The following PLCH1 variants were observed in gnomAD, a reference collection of about 807,000 sequenced individuals.
PLCH1 encodes 1-phosphatidylinositol 4,5-bisphosphate phosphodiesterase eta-1.
A neutral mutation model predicts 126.7 loss-of-function variants in PLCH1; 60 were observed. That is an observed-to-expected ratio of 0.47 (90% confidence interval 0.38 to 0.59). PLCH1 has a LOEUF of 0.59. Among genes scored for constraint, PLCH1 ranks in the 20% least tolerant of loss-of-function variants. PLCH1 has a pLI of 0.00. For synonymous variants in PLCH1, 719 were observed against 734.9 expected, an observed-to-expected ratio of 0.98 and a Z score of 0.35; for missense variants, 1,723 against 2,040.0, an observed-to-expected ratio of 0.84 and a Z score of 2.99.
intron 1 of PLCH1, among the ~76,000 whole-genome samples, chr3:155,705,773 C>G (rs988478120): frequency 6.6e-6 from 1 of 152,214 alleles, no homozygotes; most frequent in East Asian, 1.9e-4. Flanking sequence ...TTAACTGATT[C>G]ACCCAATGCT....
chr3:155,690,412 C>T (rs1745283922), intron 2 of PLCH1, among the ~76,000 whole-genome samples: 1 of 152,198 alleles, frequency 6.6e-6, no homozygotes, highest in Non-Finnish European at 1.5e-5. Context: ...GCAAAAATTT[C>T]ATAAGTGTCC....
chr3:155,500,418 G>A (rs947443619), intron 14 of PLCH1, among the ~76,000 whole-genome samples: 3 of 152,132 alleles, frequency 2.0e-5, no homozygotes, highest in African/African-American at 4.8e-5. Context: ...CTCTTGTGAC[G>A]GTCTTTGTAT....
chr3:155,509,156 T>G (rs1268453026), intron 12 of PLCH1, among the ~76,000 whole-genome samples: 2 of 140,862 alleles, frequency 1.4e-5, no homozygotes, highest in African/African-American at 5.9e-5. Context: ...GTGTTTGTAG[T>G]ATTCTCTTAT....
At chr3:155,611,768 T>A (rs919758720) in intron 2 of PLCH1, among the ~76,000 whole-genome samples, 10 of 152,142 alleles carry the variant, frequency 6.6e-5, no homozygotes, top group Non-Finnish European at 1.2e-4. Flanking sequence ...TGATAGGTCA[T>A]GAAAAAAGTC....
rs116804233 is a variant in PLCH1 at position 155,651,872 on chromosome 3, C to T, written c.79+52274G>A. ...TCCTCAGAGACAGTAAATTCTTACC[C>T]AGGATAAACTAAAAGAAAACCTAAA... is the stretch of plus-strand genomic sequence containing the variant. On this transcript the variant is annotated intron_variant, in intron 2 of 22. Coordinates refer to ENST00000460012, the MANE Select transcript of PLCH1 (RefSeq NM_014996.4). Among the ~76,000 whole-genome samples the T allele has an allele frequency of 5.6e-3, 859 of 152,210 alleles. 12 individuals carry two copies. The highest frequency in any genetic ancestry group is 0.02 in the African/African-American group (813 of 41,516).
Position 155,482,862 on chromosome 3 carries a change from C to T in PLCH1, c.3164G>A (p.Gly1055Asp). 1.2e-6 allele frequency: 2 copies of T among 1,614,116 alleles called. No homozygotes were observed. The highest frequency in any genetic ancestry group is 1.1e-5 in the South Asian group (1 of 91,076). Reference sequence around the variant, plus strand: ...TGTGGCATTTGATGTGGTTCTCCCACCCCTAGGACTTGACATGCCCAGCTG... The same window carrying T: ...TGTGGCATTTGATGTGGTTCTCCCATCCCTAGGACTTGACATGCCCAGCTG... ...GEQLGMSSPR[G>D]GRTTSNATSN... Residue 1055 changes from glycine (G) to aspartate (D), a missense_variant, in exon 23 of 23, where the codon GGT becomes GAT. Around this residue, in one of 2 missense-constraint regions of PLCH1, gnomAD observed 947 missense variants for 977.1 expected, o/e 0.97. Coordinates refer to ENST00000460012, the MANE Select transcript of PLCH1 (RefSeq NM_014996.4).
intron 11 of PLCH1, among the ~76,000 whole-genome samples, chr3:155,521,467 G>A (rs776272609): frequency 4.6e-5 from 7 of 152,206 alleles, no homozygotes; most frequent in Non-Finnish European, 8.8e-5. Context: ...GTAAATGAAT[G>A]CAAAGTTAAA....
chr3:155,610,751 A>T (rs573245200), intron 2 of PLCH1, among the ~76,000 whole-genome samples: 10 of 151,818 alleles, frequency 6.6e-5, no homozygotes, highest in Admixed American at 2.6e-4. Context: ...ACACCAAAAC[A>T]GAAGCTCCTT....
intron 1 of PLCH1, among the ~76,000 whole-genome samples, chr3:155,709,690 C>T (rs1746947776): frequency 6.6e-6 from 1 of 152,156 alleles, no homozygotes. Context: ...AATCAAGGCT[C>T]AACTGCAGCC....
intron 2 of PLCH1, among the ~76,000 whole-genome samples, chr3:155,700,389 T>TA (rs1245221365): frequency 6.6e-6 from 1 of 150,844 alleles, no homozygotes; most frequent in Non-Finnish European, 1.5e-5. Context: ...GCATACTGCA[T>TA]AAATATTTAA....
At chr3:155,646,392 G>A (rs1006423352) in intron 2 of PLCH1, among the ~76,000 whole-genome samples, 2 of 152,076 alleles carry the variant, frequency 1.3e-5, no homozygotes, top group Admixed American at 6.5e-5. Context: ...CATAACTTCT[G>A]AAATGACATC....
intron 5 of PLCH1, among the ~76,000 whole-genome samples, chr3:155,584,401 G>A (rs1470028321): frequency 1.3e-5 from 2 of 152,178 alleles, no homozygotes; most frequent in African/African-American, 4.8e-5. Context: ...GGCATCCTTG[G>A]TAACTCCCTG....
At chr3:155,509,049 T>A (rs1719087532) in intron 12 of PLCH1, among the ~76,000 whole-genome samples, 1 of 138,238 alleles carries the variant, frequency 7.2e-6, no homozygotes, top group East Asian at 1.9e-4. Flanking sequence ...ATTGGTCTAT[T>A]CAGAGATTCA....
chr3:155,669,473 G>A (rs915704764), intron 2 of PLCH1, among the ~76,000 whole-genome samples: 5 of 152,138 alleles, frequency 3.3e-5, no homozygotes, highest in Non-Finnish European at 7.3e-5. Context: ...AGCTACTCGA[G>A]AGGCTAAGGT....
intron 1 of PLCH1, among the ~76,000 whole-genome samples, chr3:155,713,035 AT>A (rs2109110784): frequency 6.6e-6 from 1 of 150,434 alleles, no homozygotes; most frequent in African/African-American, 2.4e-5. Context: ...TGAGTTCCAC[AT>A]TATTAACAAA....
At chr3:155,642,840 TA>T (rs1411760635) in intron 2 of PLCH1, among the ~76,000 whole-genome samples, 7 of 152,228 alleles carry the variant, frequency 4.6e-5, no homozygotes, top group African/African-American at 1.7e-4. Context: ...TACATTGAAT[TA>T]GACAGTCTAT....
chr3:155,588,127 T>C (rs2108616540), intron 4 of PLCH1, among the ~76,000 whole-genome samples: 1 of 152,364 alleles, frequency 6.6e-6, no homozygotes, highest in South Asian at 2.1e-4. Flanking sequence ...TAAGGTATTA[T>C]GTCTTCTAAA....
chr3:155,560,368 G>A (rs1727406150), intron 8 of PLCH1, among the ~76,000 whole-genome samples: 1 of 152,104 alleles, frequency 6.6e-6, no homozygotes, highest in African/African-American at 2.4e-5. Context: ...GTCACCTTGA[G>A]ACATCTTACT....
At chr3:155,640,186 G>A (rs1739244509) in intron 2 of PLCH1, among the ~76,000 whole-genome samples, 1 of 152,214 alleles carries the variant, frequency 6.6e-6, no homozygotes, top group Non-Finnish European at 1.5e-5. Context: ...ACATGCCAAA[G>A]CAGAGACAGT....
Sources: allele counts gnomAD v4.1 joint callset (sites outside exome capture counted in the v4.1 genomes callset), GRCh38; gene constraint gnomAD v4.1.1; regional missense constraint gnomAD v4.1.1; transcripts MANE v1.5; gene names NCBI Gene and HGNC (gene_info 2026-07-23, HGNC 2026-07-21).